Variants in GRM8 observed in about 807,000 individuals in gnomAD.
The protein encoded by GRM8 is metabotropic glutamate receptor 8.
A neutral mutation model predicts 87.2 loss-of-function variants in GRM8; 47 were observed. The ratio of observed to expected loss-of-function variants is 0.54; its 90% CI spans 0.43 to 0.69. The LOEUF is 0.69. Ranked by LOEUF, GRM8 falls within the 30% of genes least tolerant of loss-of-function variation. GRM8 has a pLI of 0.00. For missense variants in GRM8, 1,019 were observed against 1,139.2 expected, an observed-to-expected ratio of 0.89 and a Z score of 1.52; for synonymous variants, 396 against 404.5, an observed-to-expected ratio of 0.98 and a Z score of 0.25.
intron 9 of GRM8, among the ~76,000 whole-genome samples, chr7:126,502,645 T>C (rs1441816773): frequency 6.6e-6 from 1 of 152,066 alleles, no homozygotes; most frequent in East Asian, 1.9e-4. Flanking sequence ...AAACTAGAGC[T>C]TCTGGTTCTT....
intron 7 of GRM8, among the ~76,000 whole-genome samples, chr7:126,622,735 C>T (rs1800301048): frequency 1.3e-5 from 2 of 152,310 alleles, no homozygotes; most frequent in South Asian, 2.1e-4. Context: ...AAGAAAGCAA[C>T]TAAAATCCGT....
At chr7:127,138,259 AT>A (rs910794107) in intron 2 of GRM8, among the ~76,000 whole-genome samples, 6 of 151,902 alleles carry the variant, frequency 3.9e-5, no homozygotes, top group South Asian at 2.1e-4. Context: ...TTCTTTTAAA[AT>A]TTTTTTTTGT....
intron 2 of GRM8, among the ~76,000 whole-genome samples, chr7:127,120,494 G>A (rs1449504734): frequency 6.6e-6 from 1 of 152,046 alleles, no homozygotes; most frequent in East Asian, 1.9e-4. Flanking sequence ...AGAATTTCAG[G>A]CCCCACCCCA....
chr7:126,729,313 C>T (rs558981715), intron 7 of GRM8, among the ~76,000 whole-genome samples: 3 of 152,264 alleles, frequency 2.0e-5, no homozygotes, highest in South Asian at 4.1e-4. Context: ...GCATGTTCAA[C>T]CTATGTGCTA....
chr7:127,050,073 A>G (rs1300078987), intron 3 of GRM8, among the ~76,000 whole-genome samples: 1 of 152,184 alleles, frequency 6.6e-6, no homozygotes, highest in Non-Finnish European at 1.5e-5. Flanking sequence ...TTAGCAGTAG[A>G]ATGGCATATT....
chr7:127,202,249 T>A (rs1795654696), intron 2 of GRM8, among the ~76,000 whole-genome samples: 1 of 124,804 alleles, frequency 8.0e-6, no homozygotes, highest in Admixed American at 7.5e-5. Flanking sequence ...ATGCCATCTC[T>A]GCTCACTATG....
intron 7 of GRM8, among the ~76,000 whole-genome samples, chr7:126,718,028 C>G (rs933614424): frequency 1.3e-5 from 2 of 151,760 alleles, no homozygotes; most frequent in Admixed American, 1.3e-4. Flanking sequence ...GTCAGGAGAT[C>G]GAGACCACCC....
intron 6 of GRM8, among the ~76,000 whole-genome samples, chr7:126,829,716 T>C (rs536332330): frequency 1.3e-5 from 2 of 152,290 alleles, no homozygotes; most frequent in South Asian, 4.2e-4. Context: ...AAAGTTAATA[T>C]TGTTATATGT....
At chr7:127,086,955 G>A (rs1823570889) in intron 3 of GRM8, among the ~76,000 whole-genome samples, 2 of 152,228 alleles carry the variant, frequency 1.3e-5, no homozygotes, top group Non-Finnish European at 2.9e-5. Flanking sequence ...GGCCCACAGG[G>A]AGGGCTCGAT....
At chr7:126,748,807 C>T (rs1053222823) in intron 7 of GRM8, among the ~76,000 whole-genome samples, 4 of 151,884 alleles carry the variant, frequency 2.6e-5, no homozygotes, top group Admixed American at 1.3e-4. Context: ...ACCTTTAGAA[C>T]AAGACAGCAA....
At chr7:127,052,968 C>T (rs1300801956) in intron 3 of GRM8, among the ~76,000 whole-genome samples, 1 of 152,070 alleles carries the variant, frequency 6.6e-6, no homozygotes, top group African/African-American at 2.4e-5. Flanking sequence ...TTATTTACTA[C>T]AAAATATTTC....
intron 8 of GRM8, among the ~76,000 whole-genome samples, chr7:126,599,331 T>C (rs1797509491): frequency 6.6e-6 from 1 of 152,136 alleles, no homozygotes; most frequent in Non-Finnish European, 1.5e-5. Context: ...CTTGATTACC[T>C]TGACAATGGC....
chr7:126,887,049 A>C (rs1800563484), intron 6 of GRM8, among the ~76,000 whole-genome samples: 3 of 152,252 alleles, frequency 2.0e-5, no homozygotes, highest in South Asian at 4.1e-4. Flanking sequence ...AGGAAGAGGT[A>C]ATCTATCTGG....
intron 3 of GRM8, among the ~76,000 whole-genome samples, chr7:127,020,252 T>C (rs1027306385): frequency 6.6e-6 from 1 of 152,116 alleles, no homozygotes; most frequent in Non-Finnish European, 1.5e-5. Context: ...GCAGTCACTC[T>C]CATTTTCCCA....
intron 9 of GRM8, among the ~76,000 whole-genome samples, chr7:126,476,204 CA>C (rs1253871064): frequency 2.0e-5 from 3 of 151,986 alleles, no homozygotes; most frequent in Admixed American, 2.0e-4. Flanking sequence ...TGAGACAAAC[CA>C]AGTTATGTTG....
chr7:126,977,832 C>T (rs17865028), intron 3 of GRM8, among the ~76,000 whole-genome samples: 2,183 of 152,120 alleles, frequency 0.014, 48 homozygotes, highest in African/African-American at 0.05. Context: ...GGGAGAGTGG[C>T]CATGTGGATG....
chr7:126,488,206 A>G (rs1032677133), intron 9 of GRM8, among the ~76,000 whole-genome samples: 1 of 152,056 alleles, frequency 6.6e-6, no homozygotes, highest in Non-Finnish European at 1.5e-5. Flanking sequence ...AGTTCATGGT[A>G]GCGAAGAACA....
At chr7:126,935,303 G>A (rs1806197922) in intron 3 of GRM8, among the ~76,000 whole-genome samples, 1 of 152,104 alleles carries the variant, frequency 6.6e-6, no homozygotes, top group Non-Finnish European at 1.5e-5. Context: ...AAAAACAAGA[G>A]GGAAAGGAAA....
chr7:126,955,291 C>T (rs895360377), intron 3 of GRM8, among the ~76,000 whole-genome samples: 3 of 152,128 alleles, frequency 2.0e-5, no homozygotes, highest in African/African-American at 7.2e-5. Flanking sequence ...ATCTACCTCT[C>T]CCACCTTCAT....
Sources: gnomAD v4.1 joint callset for allele counts (sites outside exome capture counted in the v4.1 genomes callset) on GRCh38, gnomAD v4.1.1 for gene constraint, MANE v1.5 for transcripts, NCBI Gene and HGNC (gene_info 2026-07-23, HGNC 2026-07-21) for gene names.